The following TIMM23 variants were observed in gnomAD, a reference collection of about 807,000 sequenced individuals.
TIMM23 encodes translocase of inner mitochondrial membrane 23, also known as mitochondrial import inner membrane translocase subunit Tim23.
In TIMM23, 19 loss-of-function variants were observed where a neutral mutation model predicts 30.7. The ratio of observed to expected loss-of-function variants is 0.62; its 90% CI spans 0.43 to 0.91. The LOEUF is 0.91. Ranked by LOEUF, TIMM23 falls within the 40% of genes least tolerant of loss-of-function variation. TIMM23 has a pLI of 0.00. For missense variants in TIMM23, 202 were observed against 269.2 expected (o/e 0.75, Z 1.75); for synonymous variants, 78 against 98.5 (o/e 0.79, Z 1.23).
chr10:45,985,356 A>T (rs1837963636), intron 4 of TIMM23, 27 bp from the exon 5 acceptor site: 1 of 1,612,524 alleles, frequency 6.2e-7, no homozygotes, highest in African/African-American at 1.3e-5. Flanking sequence ...TTCTAAATAC[A>T]GATTCTTTCT....
intron 6 of TIMM23, among the ~76,000 whole-genome samples, chr10:45,991,052 G>C (rs1435433835): frequency 6.6e-6 from 1 of 152,150 alleles, no homozygotes; most frequent in African/African-American, 2.4e-5. Flanking sequence ...TCCAAAGCCC[G>C]TTGTCTTTCT....
chr10:46,002,615 C>T (rs1838577824), intron 6 of TIMM23: 1 of 480,580 alleles, frequency 2.1e-6, no homozygotes, highest in Non-Finnish European at 2.7e-6. Flanking sequence ...ATATTACTAG[C>T]AGGAAACGAC....
At chr10:45,974,295 T>C (rs61848842) in intron 1 of TIMM23, among the ~76,000 whole-genome samples, 3 of 152,122 alleles carry the variant, frequency 2.0e-5, no homozygotes, top group African/African-American at 7.2e-5. Context: ...AAGCAGAGTC[T>C]TGAGATTGTG....
At chr10:46,002,816 T>A (rs1838589083) in intron 6 of TIMM23, among the ~76,000 whole-genome samples, 1 of 140,642 alleles carries the variant, frequency 7.1e-6, no homozygotes, top group Admixed American at 7.0e-5. Flanking sequence ...TAGTATTTTT[T>A]TTTTTTTTTT....
chr10:45,978,794 A>G (rs1837753682), intron 2 of TIMM23, among the ~76,000 whole-genome samples: 2 of 152,022 alleles, frequency 1.3e-5, no homozygotes, highest in Non-Finnish European at 2.9e-5. Context: ...TATACTCCAT[A>G]CTCAAGAGAA....
At chr10:45,995,341 A>G (rs1387038372) in intron 6 of TIMM23, among the ~76,000 whole-genome samples, 2 of 151,326 alleles carry the variant, frequency 1.3e-5, no homozygotes, top group African/African-American at 2.4e-5. Context: ...ATTAGATGCC[A>G]TACTATAGTG....
chr10:45,987,873 C>T (rs1386926603), intron 5 of TIMM23, among the ~76,000 whole-genome samples: 1 of 152,024 alleles, frequency 6.6e-6, no homozygotes, highest in Non-Finnish European at 1.5e-5. Context: ...CTTCCCACCT[C>T]GGCCTCCCAA....
At chr10:45,976,965 C>T (rs1372671090) in intron 2 of TIMM23, among the ~76,000 whole-genome samples, 1 of 152,070 alleles carries the variant, frequency 6.6e-6, no homozygotes, top group Non-Finnish European at 1.5e-5. Context: ...AAATATATTT[C>T]TAGACAGTTG....
At chr10:45,981,822 ATT>A (rs1837855186) in intron 2 of TIMM23, among the ~76,000 whole-genome samples, 1 of 152,106 alleles carries the variant, frequency 6.6e-6, no homozygotes, top group Non-Finnish European at 1.5e-5. Context: ...TGGTGATAAA[ATT>A]TTGTTTGTTT....
At chr10:45,997,955 T>C (rs951227224) in intron 6 of TIMM23, among the ~76,000 whole-genome samples, 14 of 152,172 alleles carry the variant, frequency 9.2e-5, no homozygotes, top group African/African-American at 3.4e-4. Flanking sequence ...ATAAAGTTTT[T>C]TTAAAATTTT....
At chr10:45,997,784 G>A (rs903239528) in intron 6 of TIMM23, among the ~76,000 whole-genome samples, 2 of 152,068 alleles carry the variant, frequency 1.3e-5, no homozygotes, top group Admixed American at 1.3e-4. Flanking sequence ...CAGCCTGGGC[G>A]ACAGAGCAAG....
At chr10:45,996,833 T>C (rs1838349358) in intron 6 of TIMM23, among the ~76,000 whole-genome samples, 1 of 151,692 alleles carries the variant, frequency 6.6e-6, no homozygotes, top group African/African-American at 2.4e-5. Flanking sequence ...GGCTTGGTGG[T>C]GGGCACCTGT....
chr10:45,978,490 A>G (rs1176792869), intron 2 of TIMM23, among the ~76,000 whole-genome samples: 4 of 152,218 alleles, frequency 2.6e-5, no homozygotes, highest in Non-Finnish European at 5.9e-5. Context: ...AAAATGGGCA[A>G]AGGATTTGAG....
Position 46,003,367 on chromosome 10 carries a change from C to T in TIMM23, c.*49C>T, listed in dbSNP as rs1554918219. ...AGGACACTTCAGTAGTCATCTAGAT[C>T]CTTTTATAAGACAGTTTGGAGTTAT... On this transcript the variant is annotated 3_prime_UTR_variant, in exon 7 of 7. Coordinates refer to ENST00000580018, the MANE Select transcript of TIMM23 (RefSeq NM_006327.4). 1 of 1,289,966 alleles carries T rather than the reference C, an allele frequency of 7.8e-7. No individual in the cohort carries two copies. Among genetic ancestry groups the T allele is most frequent in the Non-Finnish European group, 1.1e-6 (1 of 893,434 alleles). 79.9% of individuals were successfully genotyped at this position (1,289,966 alleles called of 1,614,324 possible).
At position 45,988,814 on chromosome 10, in the gene TIMM23, G is replaced by C; in HGVS notation, c.481G>C (p.Gly161Arg). 6.2e-7 allele frequency: 1 copy of C among 1,613,658 alleles called. No individual in the cohort carries two copies. Among genetic ancestry groups the C allele is most frequent in the Non-Finnish European group, 8.5e-7 (1 of 1,179,612 alleles). The change falls in exon 6 of 7, where the codon GGA becomes CGA. Residue 161 changes from glycine to arginine, a missense_variant. Gly to Arg is a moderately radical substitution (Grantham distance 125). Coordinates refer to ENST00000580018, the MANE Select transcript of TIMM23 (RefSeq NM_006327.4). The part of the protein sequence containing the change: ...AEDDLNTVAA[G>R]TMTGMLYKCT... ...AGATGACCTTAACACAGTAGCAGCT[G>C]GAACCATGACAGGCATGTTGTATAA...
Position 45,982,549 on chromosome 10 carries a change from C to G in TIMM23, c.192C>G (p.Thr64=), listed in dbSNP as rs1338510675. 1.6e-5 allele frequency: 26 copies of G among 1,613,658 alleles called. No individual in the cohort carries two copies. Among genetic ancestry groups the G allele is most frequent in the Non-Finnish European group, 2.0e-5 (24 of 1,179,856 alleles). Reference sequence around the variant, plus strand: ...ATACAGATGAGTTTATTTTACCTACCGGAGCTAATAAAACCCGGGGCAGAT... The same window carrying G: ...ATACAGATGAGTTTATTTTACCTACGGGAGCTAATAAAACCCGGGGCAGAT... The part of the protein sequence containing the change: ...VQDTDEFILP[T]GANKTRGRFE... Residue 64 remains threonine (T), a synonymous_variant, in exon 3 of 7, where the codon ACC becomes ACG. Coordinates refer to ENST00000580018, the MANE Select transcript of TIMM23 (RefSeq NM_006327.4).
intron 5 of TIMM23, among the ~76,000 whole-genome samples, chr10:45,988,408 A>G (rs1554915160): frequency 0.031 from 4,702 of 152,212 alleles, 95 homozygotes; most frequent in Non-Finnish European, 0.048. Flanking sequence ...GTGTGGGGAA[A>G]GATTAGAGTC....
intron 2 of TIMM23, among the ~76,000 whole-genome samples, chr10:45,976,069 T>G (rs1837664206): frequency 2.0e-5 from 3 of 152,172 alleles, no homozygotes; most frequent in Non-Finnish European, 4.4e-5. Context: ...GTTTACAATA[T>G]CAGGGTTTTT....
intron 6 of TIMM23, among the ~76,000 whole-genome samples, chr10:45,997,642 T>A: frequency 6.6e-6 from 1 of 152,218 alleles, no homozygotes; most frequent in Admixed American, 6.5e-5. Context: ...GGAGACCTCA[T>A]CTCTACAAAA....
Sources: gnomAD v4.1 joint callset for allele counts (sites outside exome capture counted in the v4.1 genomes callset) on GRCh38, gnomAD v4.1.1 for gene constraint, MANE v1.5 for transcripts, NCBI Gene and HGNC (gene_info 2026-07-23, HGNC 2026-07-21) for gene names.